INVS: variants seen among roughly 807,000 people sequenced by gnomAD.
INVS encodes the protein inversin, also known as inversion of embryo turning homolog.
A neutral mutation model predicts 108.8 loss-of-function variants in INVS; 86 were observed. The ratio of observed to expected loss-of-function variants is 0.79; its 90% confidence interval spans 0.66 to 0.95. INVS has a LOEUF of 0.95. Ranked by LOEUF, INVS falls within the 40% of genes least tolerant of loss-of-function variation. The probability of loss-of-function intolerance (pLI) is 0.00; values close to 1 mark genes in which losing one functional copy is unlikely to be tolerated. For missense variants in INVS, 1,169 were observed against 1,297.4 expected (o/e 0.90, Z 1.52); for synonymous variants, 455 against 473.5 (o/e 0.96, Z 0.51).
chr9:100,243,389 A>G (rs540177329), intron 7 of INVS, among the ~76,000 whole-genome samples: 2 of 152,322 alleles, frequency 1.3e-5, no homozygotes, highest in East Asian at 1.9e-4. Flanking sequence ...TGCCTGCTGT[A>G]TACCTTAGCA....
chr9:100,110,609 C>T (rs1339251742), intron 2 of INVS, among the ~76,000 whole-genome samples: 1 of 152,078 alleles, frequency 6.6e-6, no homozygotes. Context: ...ATCTGGTAAG[C>T]TTCTGGACTC....
chr9:100,104,632 G>GCAGT lies in INVS; in HGVS notation c.106+7_106+10dup. The GCAGT allele has an allele frequency of 6.3e-7, 1 of 1,594,794 alleles. No homozygotes were observed. Among genetic ancestry groups the GCAGT allele is most frequent in the Non-Finnish European group, 8.6e-7 (1 of 1,162,418 alleles). On this transcript the variant is annotated splice_donor_region_variant and intron_variant, in intron 2 of 16. Coordinates refer to ENST00000262457, the MANE Select transcript of INVS (RefSeq NM_014425.5). ...CTCTACAGAGGCTCATCGTAGGTAA[G>GCAGT]CAGTCCCCTTAAGTACAGAAACTTT...
intron 3 of INVS, among the ~76,000 whole-genome samples, chr9:100,225,402 CT>C (rs761639681): frequency 5.9e-5 from 9 of 152,150 alleles, no homozygotes; most frequent in Non-Finnish European, 1.0e-4. Flanking sequence ...CCATAAATAG[CT>C]TTCTTTAAGA....
intron 3 of INVS, among the ~76,000 whole-genome samples, chr9:100,195,849 T>TA (rs1422543316): frequency 1.6e-4 from 25 of 152,332 alleles, no homozygotes; most frequent in African/African-American, 5.8e-4. Context: ...TCCTACTTTT[T>TA]ATGTATTGCT....
chr9:100,198,633 G>A (rs1358506567), intron 3 of INVS, among the ~76,000 whole-genome samples: 6 of 147,684 alleles, frequency 4.1e-5, no homozygotes, highest in Non-Finnish European at 7.5e-5. Context: ...TTGCTCTGTC[G>A]CCAGGCTGGA....
At chr9:100,215,729 G>C (rs894648018) in intron 3 of INVS, among the ~76,000 whole-genome samples, 1 of 152,134 alleles carries the variant, frequency 6.6e-6, no homozygotes, top group East Asian at 1.9e-4. Flanking sequence ...ACTCCATATG[G>C]TGGAGCAGCA....
At chr9:100,193,466 C>A (rs1394270288) in intron 3 of INVS, among the ~76,000 whole-genome samples, 1 of 152,098 alleles carries the variant, frequency 6.6e-6, no homozygotes, top group Non-Finnish European at 1.5e-5. Context: ...TTAGTATTTT[C>A]TTGAATGTAA....
chr9:100,243,231 A>G (rs780814859), intron 7 of INVS, among the ~76,000 whole-genome samples: 1 of 152,204 alleles, frequency 6.6e-6, no homozygotes, highest in Non-Finnish European at 1.5e-5. Context: ...AACTAGAACA[A>G]TCTCGGCTAG....
At chr9:100,238,080 TG>T (rs1831747246) in intron 5 of INVS, among the ~76,000 whole-genome samples, 1 of 152,126 alleles carries the variant, frequency 6.6e-6, no homozygotes, top group Non-Finnish European at 1.5e-5. Flanking sequence ...GGTTTCACCA[TG>T]TTGGCCAGAC....
At chr9:100,148,940 G>C (rs1426722180) in intron 3 of INVS, among the ~76,000 whole-genome samples, 2 of 152,042 alleles carry the variant, frequency 1.3e-5, no homozygotes, top group Non-Finnish European at 2.9e-5. Flanking sequence ...TAAAGTGACA[G>C]TAGAACTCCC....
At chr9:100,177,104 C>G (rs940391669) in intron 3 of INVS, among the ~76,000 whole-genome samples, 1 of 152,108 alleles carries the variant, frequency 6.6e-6, no homozygotes, top group African/African-American at 2.4e-5. Context: ...AGATACTACG[C>G]TTTTCCCACA....
intron 10 of INVS, among the ~76,000 whole-genome samples, chr9:100,257,609 A>G (rs553818589): frequency 2.4e-4 from 36 of 152,324 alleles, no homozygotes; most frequent in African/African-American, 8.2e-4. Context: ...CCTGGTGCTA[A>G]CAAAATCTCT....
At position 100,247,811 on chromosome 9, in the gene INVS, C is replaced by CT. The variant is rs530055694; in HGVS notation, c.1078+1033dup. 5.9e-3 allele frequency among the ~76,000 whole-genome samples: 895 copies of CT among 151,476 alleles called. 10 individuals carry two copies. The highest frequency in any genetic ancestry group is 0.02 in the African/African-American group (828 of 41,292). On this transcript the variant is annotated intron_variant, in intron 8 of 16. Transcript: ENST00000262457. ...AAGCCTTACAGCAGATCTTAAATTT[C>CT]TTTTTTTTTCTTTTTGAGACGGAGT...
At chr9:100,137,069 T>C (rs989294038) in intron 3 of INVS, among the ~76,000 whole-genome samples, 1 of 152,152 alleles carries the variant, frequency 6.6e-6, no homozygotes, top group Non-Finnish European at 1.5e-5. Context: ...TTGGAAAGTT[T>C]AGATACACAG....
At chr9:100,266,529 G>A (rs1832798173) in intron 11 of INVS, among the ~76,000 whole-genome samples, 1 of 152,152 alleles carries the variant, frequency 6.6e-6, no homozygotes, top group South Asian at 2.1e-4. Context: ...TAGCAGTGAG[G>A]ACAACCAGAG....
chr9:100,128,139 A>G (rs1827945210), intron 3 of INVS, among the ~76,000 whole-genome samples: 1 of 152,208 alleles, frequency 6.6e-6, no homozygotes, highest in Admixed American at 6.5e-5. Context: ...TATGACAAAG[A>G]TGGTTGAAAG....
intron 3 of INVS, among the ~76,000 whole-genome samples, chr9:100,183,621 C>T (rs552951249): frequency 1.3e-4 from 19 of 151,996 alleles, no homozygotes; most frequent in East Asian, 3.9e-4. Context: ...GGTGAAACCT[C>T]GTCTCTACTA....
At chr9:100,188,845 A>G (rs891518359) in intron 3 of INVS, among the ~76,000 whole-genome samples, 3 of 151,844 alleles carry the variant, frequency 2.0e-5, no homozygotes, top group Admixed American at 1.3e-4. Flanking sequence ...GTTGTTGGCA[A>G]TTTTTAAAAT....
chr9:100,297,108 C>G lies in INVS; in HGVS notation c.2978C>G (p.Thr993Arg). The G allele has an allele frequency of 6.2e-7, 1 of 1,614,094 alleles. No homozygotes were observed. Among genetic ancestry groups the G allele is most frequent in the Non-Finnish European group, 8.5e-7 (1 of 1,180,008 alleles). The change falls in exon 15 of 17, where the codon ACA (threonine) becomes AGA (arginine). Residue 993 changes from threonine (T) to arginine (R), a missense_variant. Physicochemically the swap from Thr to Arg is moderately conservative, Grantham distance 71. Coordinates refer to ENST00000262457, the MANE Select transcript of INVS (RefSeq NM_014425.5). ...PKSPSKGTSG[T>R]KSTKHSVLKQ... ...AGTCCATCCAAGGGCACCTCAGGCA[C>G]AAAGTCCACCAAGCACTCAGTGCTT...
Sources: gnomAD v4.1 joint callset for allele counts (sites outside exome capture counted in the v4.1 genomes callset) on GRCh38, gnomAD v4.1.1 for gene constraint, MANE v1.5 for transcripts, NCBI Gene and HGNC (gene_info 2026-07-23, HGNC 2026-07-21) for gene names.